The following WWOX variants were observed in gnomAD, a reference collection of about 807,000 sequenced individuals.
WWOX encodes WW domain containing oxidoreductase, also known as WW domain-containing oxidoreductase.
WWOX carries 69 observed loss-of-function variants against 46.2 expected under a neutral mutation model. The observed-to-expected ratio is 1.49, with a 90% CI of 1.23 to 1.82. The LOEUF is 1.82. WWOX is among the 40% of genes most tolerant of loss of function. The probability of loss-of-function intolerance (pLI) is 0.00; values close to 1 mark genes in which losing one functional copy is unlikely to be tolerated. For missense variants in WWOX, 919 were observed against 542.6 expected, an observed-to-expected ratio of 1.69 and a Z score of -6.89; for synonymous variants, 359 against 202.6, an observed-to-expected ratio of 1.77 and a Z score of -6.56.
At chr16:79,068,018 T>A (rs1391971342) in intron 8 of WWOX, among the ~76,000 whole-genome samples, 1 of 152,192 alleles carries the variant, frequency 6.6e-6, no homozygotes, top group Non-Finnish European at 1.5e-5. Flanking sequence ...CTCATTGATC[T>A]TCCTGCCTTT....
intron 8 of WWOX, among the ~76,000 whole-genome samples, chr16:78,489,695 G>A (rs1246492542): frequency 6.6e-6 from 1 of 152,178 alleles, no homozygotes; most frequent in Non-Finnish European, 1.5e-5. Context: ...TGGGGCGCCT[G>A]AGCTGGGCCC....
chr16:79,190,614 C>T (rs564901488), intron 8 of WWOX, among the ~76,000 whole-genome samples: 1 of 152,178 alleles, frequency 6.6e-6, no homozygotes, highest in Admixed American at 6.5e-5. Context: ...GGAGGGAACT[C>T]ATTCAGAAGA....
At chr16:78,971,166 A>G (rs1349663947) in intron 8 of WWOX, among the ~76,000 whole-genome samples, 3 of 151,990 alleles carry the variant, frequency 2.0e-5, no homozygotes, top group Non-Finnish European at 4.4e-5. Flanking sequence ...TGGTCAAGAG[A>G]TAGACTTTTT....
At chr16:79,085,193 C>T (rs1379391996) in intron 8 of WWOX, among the ~76,000 whole-genome samples, 1 of 151,982 alleles carries the variant, frequency 6.6e-6, no homozygotes, top group East Asian at 1.9e-4. Flanking sequence ...CTGTCTTTGT[C>T]TCTCTCTCTC....
intron 8 of WWOX, among the ~76,000 whole-genome samples, chr16:79,209,702 C>A (rs1297543658): frequency 2.0e-5 from 3 of 152,178 alleles, no homozygotes; most frequent in Admixed American, 2.0e-4. Flanking sequence ...CAAAATAATA[C>A]TTGGCTTGAG....
chr16:78,785,538 G>A (rs532895021), intron 8 of WWOX, among the ~76,000 whole-genome samples: 1 of 152,214 alleles, frequency 6.6e-6, no homozygotes, highest in South Asian at 2.1e-4. Context: ...TGAAATATGG[G>A]TAGCATATAA....
At chr16:79,025,926 G>A (rs962593404) in intron 8 of WWOX, among the ~76,000 whole-genome samples, 1 of 150,670 alleles carries the variant, frequency 6.6e-6, no homozygotes, top group Non-Finnish European at 1.5e-5. Flanking sequence ...ACCCTCCCGA[G>A]TAGCTGGGAT....
intron 8 of WWOX, among the ~76,000 whole-genome samples, chr16:78,993,564 G>C (rs1189624767): frequency 6.6e-6 from 1 of 152,148 alleles, no homozygotes; most frequent in African/African-American, 2.4e-5. Flanking sequence ...TGCGGGCCTG[G>C]GTGTACGGAG....
chr16:78,191,286 G>C (rs747664122), intron 5 of WWOX, among the ~76,000 whole-genome samples: 1 of 152,190 alleles, frequency 6.6e-6, no homozygotes, highest in Non-Finnish European at 1.5e-5. Flanking sequence ...ACAGGGTGCA[G>C]GCTGGGATTT....
chr16:79,190,450 GA>G (rs2051112410), intron 8 of WWOX, among the ~76,000 whole-genome samples: 1 of 152,150 alleles, frequency 6.6e-6, no homozygotes, highest in Non-Finnish European at 1.5e-5. Flanking sequence ...GTAGGTCTCT[GA>G]AAATTCAGAC....
In WWOX at chr16:78,547,681, C is replaced by T. The variant is rs545275332; in HGVS notation, c.1056+114929C>T. On this transcript the variant is annotated intron_variant, in intron 8 of 8. Coordinates refer to ENST00000566780, the MANE Select transcript of WWOX (RefSeq NM_016373.4). ...TGGCAGATTGAGTGTTTGGCAACGG[C>T]CCACTTTCTGGTTCCTAGATGTTCA... 3.0e-4 allele frequency among the ~76,000 whole-genome samples: 46 copies of T among 152,234 alleles called. 1 individual carries two copies. The highest frequency in any genetic ancestry group is 3.4e-3 in the Middle Eastern group (1 of 294).
chr16:79,047,381 A>G (rs752734952), intron 8 of WWOX, among the ~76,000 whole-genome samples: 30 of 152,236 alleles, frequency 2.0e-4, no homozygotes, highest in Non-Finnish European at 4.1e-4. Flanking sequence ...AAGGCCAGAA[A>G]TAGACCAGAT....
At chr16:78,184,042 C>T (rs982395164) in intron 5 of WWOX, among the ~76,000 whole-genome samples, 9 of 152,162 alleles carry the variant, frequency 5.9e-5, no homozygotes, top group Non-Finnish European at 1.3e-4. Context: ...AAACCTCCCC[C>T]GTTGCTCTCT....
chr16:79,186,432 T>C (rs969661228), intron 8 of WWOX, among the ~76,000 whole-genome samples: 2 of 152,220 alleles, frequency 1.3e-5, no homozygotes, highest in Admixed American at 6.5e-5. Flanking sequence ...CTATCTGACC[T>C]CTGCGTCTGT....
chr16:78,135,405 C>A (rs191509529), intron 4 of WWOX, among the ~76,000 whole-genome samples: 2 of 152,232 alleles, frequency 1.3e-5, no homozygotes, highest in Middle Eastern at 3.4e-3. Context: ...GCATAAAAGA[C>A]GTACAGTAGG....
rs78297085 is a variant in WWOX, at chr16:78,584,571, T to C, written c.1056+151819T>C. On this transcript the variant is annotated intron_variant, in intron 8 of 8. Coordinates refer to ENST00000566780, the MANE Select transcript of WWOX (RefSeq NM_016373.4). ...TGAGGTGTTATTTTAATATATACCT[T>C]TTAAAGTTTGAGTGTTAGGCATGCT... 6.3e-3 allele frequency among the ~76,000 whole-genome samples: 955 copies of C among 152,248 alleles called. 13 individuals are homozygous for C. Among genetic ancestry groups the C allele is most frequent in the African/African-American group, 0.021 (873 of 41,522 alleles).
At chr16:78,416,055 G>A (rs903736025) in intron 6 of WWOX, among the ~76,000 whole-genome samples, 10 of 152,098 alleles carry the variant, frequency 6.6e-5, no homozygotes, top group African/African-American at 2.4e-4. Context: ...AAACAAGGAG[G>A]ACAACCTTTT....
chr16:78,430,959 G>T (rs1356919885), intron 7 of WWOX, among the ~76,000 whole-genome samples: 1 of 152,042 alleles, frequency 6.6e-6, no homozygotes, highest in African/African-American at 2.4e-5. Flanking sequence ...TTTGCTTTTT[G>T]TTTTCCATAG....
chr16:78,805,599 G>C (rs781747651), intron 8 of WWOX, among the ~76,000 whole-genome samples: 12 of 152,138 alleles, frequency 7.9e-5, no homozygotes, highest in Admixed American at 4.6e-4. Context: ...ATAGATTTGA[G>C]GCATCTTGAA....
Sources: allele counts gnomAD v4.1 joint callset (sites outside exome capture counted in the v4.1 genomes callset), GRCh38; gene constraint gnomAD v4.1.1; transcripts MANE v1.5; gene names NCBI Gene and HGNC (gene_info 2026-07-23, HGNC 2026-07-21).